PREX1: variants seen among roughly 807,000 people sequenced by gnomAD.
The protein encoded by PREX1 is phosphatidylinositol-3,4,5-trisphosphate dependent Rac exchange factor 1.
In PREX1, 41 loss-of-function variants were observed where a neutral mutation model predicts 198.3. The ratio of observed to expected loss-of-function variants is 0.21; its 90% CI spans 0.16 to 0.27. The LOEUF is 0.27. Among genes scored for constraint, PREX1 ranks in the 10% least tolerant of loss-of-function variants. The probability of loss-of-function intolerance (pLI) is 1.00; values close to 1 mark genes in which losing one functional copy is unlikely to be tolerated. For missense variants in PREX1, 1,620 were observed against 2,200.7 expected (o/e 0.74, Z 5.28); for synonymous variants, 843 against 887.2 (o/e 0.95, Z 0.89).
chr20:48,646,819 T>G (rs1279029119), intron 25 of PREX1, among the ~76,000 whole-genome samples: 1 of 152,222 alleles, frequency 6.6e-6, no homozygotes, highest in Non-Finnish European at 1.5e-5. Context: ...AAACCCCAGA[T>G]TCAAATCCCA....
At chr20:48,773,198 C>T (rs2090244692) in intron 1 of PREX1, among the ~76,000 whole-genome samples, 1 of 127,590 alleles carries the variant, frequency 7.8e-6, no homozygotes, top group Non-Finnish European at 1.5e-5. Context: ...ACCTAGGAGG[C>T]AAAGGTTGTA....
intron 9 of PREX1, 98 bp from the exon 10 acceptor site, chr20:48,688,902 C>T: frequency 1.4e-6 from 2 of 1,410,992 alleles, no homozygotes; most frequent in Non-Finnish European, 9.8e-7. Flanking sequence ...TGAAAGCTGG[C>T]CTGCCACCTG....
intron 29 of PREX1, among the ~76,000 whole-genome samples, chr20:48,641,448 A>G (rs2089409378): frequency 1.3e-5 from 2 of 152,136 alleles, no homozygotes; most frequent in African/African-American, 4.8e-5. Flanking sequence ...GATACTTTTT[A>G]AAAAGTGATG....
intron 4 of PREX1, among the ~76,000 whole-genome samples, chr20:48,731,624 C>T (rs6125446): frequency 5.9e-5 from 9 of 152,190 alleles, no homozygotes; most frequent in Admixed American, 1.3e-4. Flanking sequence ...GTGCCCAGCA[C>T]AACATGGATG....
the PREX1 span, among the ~76,000 whole-genome samples, chr20:48,871,581 AAAAC>A: frequency 6.6e-5 from 1 of 15,242 alleles, no homozygotes; most frequent in African/African-American, 3.0e-4. Context: ...AAAAAAAAAA[AAAAC>A]CATATTTACT....
chr20:48,846,883 G>T, the PREX1 span, among the ~76,000 whole-genome samples: 1 of 152,172 alleles, frequency 6.6e-6, no homozygotes, highest in Admixed American at 6.5e-5. Context: ...CACTCTAGGC[G>T]AAGAAAACCC....
chr20:48,730,413 C>CCACACACACACA (rs71827793), intron 4 of PREX1, among the ~76,000 whole-genome samples: 1 of 146,694 alleles, frequency 6.8e-6, no homozygotes, highest in Non-Finnish European at 1.5e-5. Flanking sequence ...GCAAAAGCCA[C>CCACACACACACA]CACACACACA....
intron 15 of PREX1, among the ~76,000 whole-genome samples, chr20:48,664,374 GA>G (rs11476844): frequency 0.08 from 10,913 of 137,192 alleles, 445 homozygotes; most frequent in East Asian, 0.16. Context: ...GACTCCGTCT[GA>G]AAAAAAAAAA....
At chr20:48,755,937 G>A (rs928802098) in intron 1 of PREX1, among the ~76,000 whole-genome samples, 8 of 152,086 alleles carry the variant, frequency 5.3e-5, no homozygotes, top group African/African-American at 2.4e-5. Flanking sequence ...TGGATGGGAG[G>A]GGTACTAAAC....
At chr20:48,828,158 T>C (rs1417567123), upstream of PREX1, among the ~76,000 whole-genome samples, 2 of 150,186 alleles carry the variant, frequency 1.3e-5, no homozygotes, top group East Asian at 3.9e-4. Flanking sequence ...AGAGGCGCTC[T>C]GCGCGTGCAC....
At chr20:48,880,981 T>TAAAAA in the PREX1 span, among the ~76,000 whole-genome samples, 5 of 20,994 alleles carry the variant, frequency 2.4e-4, 1 homozygote, top group African/African-American at 1.0e-3. Context: ...AAACCATTGC[T>TAAAAA]AAAAAAAAAA....
rs1268243205 is a variant in PREX1, at chr20:48,655,380, A to G, written c.2124-5T>C. The G allele has an allele frequency of 3.2e-6, 5 of 1,551,382 alleles. No individual in the cohort carries two copies. The highest frequency in any genetic ancestry group is 1.2e-5 in the South Asian group (1 of 83,236). ...TGGTCGGGGATTTTGATGATCCTGCACCAGGTAGAAGAGGCAGGGAAAAAG... is the reference window on the plus strand; with the variant it reads ...TGGTCGGGGATTTTGATGATCCTGCGCCAGGTAGAAGAGGCAGGGAAAAAG... On this transcript the variant is annotated splice_polypyrimidine_tract_variant and splice_region_variant and intron_variant, in intron 18 of 39. Coordinates refer to ENST00000371941, the MANE Select transcript of PREX1 (RefSeq NM_020820.4).
intron 27 of PREX1, among the ~76,000 whole-genome samples, chr20:48,642,911 G>A (rs1327039321): frequency 1.3e-5 from 2 of 152,192 alleles, no homozygotes; most frequent in African/African-American, 4.8e-5. Flanking sequence ...TGTATCTAAA[G>A]TTCAACAATT....
At chr20:48,843,737 A>G in the PREX1 span, among the ~76,000 whole-genome samples, 1 of 152,312 alleles carries the variant, frequency 6.6e-6, no homozygotes, top group African/African-American at 2.4e-5. Flanking sequence ...AGCAATGGTG[A>G]GGCATGGAGT....
At chr20:48,847,016 C>T in the PREX1 span, among the ~76,000 whole-genome samples, 1 of 152,154 alleles carries the variant, frequency 6.6e-6, no homozygotes, top group Non-Finnish European at 1.5e-5. Flanking sequence ...TAGGAGGTCA[C>T]CCTCTCAGTT....
chr20:48,832,812 G>A (rs369790517), upstream of PREX1, among the ~76,000 whole-genome samples: 89 of 152,304 alleles, frequency 5.8e-4, no homozygotes, highest in South Asian at 1.0e-2. Context: ...AGCATAATAG[G>A]TATCCAATTA....
intron 13 of PREX1, among the ~76,000 whole-genome samples, chr20:48,676,557 G>A (rs2089710780): frequency 6.6e-6 from 1 of 152,222 alleles, no homozygotes; most frequent in Non-Finnish European, 1.5e-5. Context: ...CTCAGCTGGG[G>A]GTGATTTTGC....
chr20:48,884,639 A>G, the PREX1 span, among the ~76,000 whole-genome samples: 1 of 152,242 alleles, frequency 6.6e-6, no homozygotes, highest in African/African-American at 2.4e-5. Flanking sequence ...AAAAATATAA[A>G]TGACTAAAGA....
At chr20:48,864,691 T>A in the PREX1 span, among the ~76,000 whole-genome samples, 1 of 152,154 alleles carries the variant, frequency 6.6e-6, no homozygotes, top group Non-Finnish European at 1.5e-5. Context: ...AGATGGAGGG[T>A]TAGGGACAGA....
Sources: gnomAD v4.1 joint callset for allele counts (sites outside exome capture counted in the v4.1 genomes callset) on GRCh38, gnomAD v4.1.1 for gene constraint, MANE v1.5 for transcripts, NCBI Gene and HGNC (gene_info 2026-07-23, HGNC 2026-07-21) for gene names.